The following MECOM variants were observed in gnomAD, a reference collection of about 807,000 sequenced individuals.
MECOM encodes the protein MDS1 and EVI1 complex locus.
MECOM carries 13 observed loss-of-function variants against 116.3 expected under a neutral mutation model. The ratio of observed to expected loss-of-function variants is 0.11; its 90% CI spans 0.07 to 0.18. The LOEUF is 0.18. MECOM is among the 10% of genes least tolerant of loss of function. The pLI is 1.00. For missense variants in MECOM, 1,299 were observed against 1,509.0 expected, an observed-to-expected ratio of 0.86 and a Z score of 2.31; for synonymous variants, 528 against 535.2, an observed-to-expected ratio of 0.99 and a Z score of 0.19.
At chr3:169,522,122 G>A (rs566141206) in intron 1 of MECOM, among the ~76,000 whole-genome samples, 132 of 152,268 alleles carry the variant, frequency 8.7e-4, no homozygotes, top group African/African-American at 2.9e-3. Flanking sequence ...TTTGAACCCT[G>A]TAAGTAAAAC....
intron 1 of MECOM, among the ~76,000 whole-genome samples, chr3:169,659,440 ATTTT>A (rs56270349): frequency 1.4e-3 from 85 of 62,118 alleles, no homozygotes; most frequent in South Asian, 4.7e-3. Context: ...CTAAACACAG[ATTTT>A]TTTTTTTTTT....
chr3:169,606,025 T>C (rs191695098), intron 1 of MECOM, among the ~76,000 whole-genome samples: 1 of 152,306 alleles, frequency 6.6e-6, no homozygotes, highest in East Asian at 1.9e-4. Flanking sequence ...AGGACCAGTT[T>C]AGGAGTGGAA....
intron 2 of MECOM, among the ~76,000 whole-genome samples, chr3:169,225,305 T>C (rs1752606653): frequency 6.6e-6 from 1 of 152,184 alleles, no homozygotes. Context: ...TAATGTTAGT[T>C]AAGTAGAGAT....
chr3:169,237,636 TGTG>T (rs1253174567), intron 2 of MECOM, among the ~76,000 whole-genome samples: 2 of 50,720 alleles, frequency 3.9e-5, no homozygotes, highest in African/African-American at 1.3e-4. Flanking sequence ...AAAAAAAAAA[TGTG>T]GCACTTACTG....
chr3:169,478,706 A>T (rs113760681), intron 1 of MECOM, among the ~76,000 whole-genome samples: 5 of 152,196 alleles, frequency 3.3e-5, no homozygotes, highest in African/African-American at 1.2e-4. Context: ...ATTATGGCTT[A>T]AAAAAACTAT....
intron 1 of MECOM, among the ~76,000 whole-genome samples, chr3:169,525,048 T>C (rs1332575308): frequency 2.6e-5 from 4 of 152,180 alleles, no homozygotes; most frequent in African/African-American, 9.6e-5. Flanking sequence ...CTTTCTCTAA[T>C]CTTCCTCAAA....
intron 1 of MECOM, among the ~76,000 whole-genome samples, chr3:169,438,230 G>T (rs553853202): frequency 6.6e-6 from 1 of 152,170 alleles, no homozygotes; most frequent in East Asian, 1.9e-4. Flanking sequence ...CCAATTACAG[G>T]ATAACAATAA....
At chr3:169,215,083 GT>G (rs1474095638) in intron 2 of MECOM, among the ~76,000 whole-genome samples, 6 of 150,904 alleles carry the variant, frequency 4.0e-5, no homozygotes, top group African/African-American at 1.5e-4. Context: ...AAGTAGCCAT[GT>G]TTGTTTAACT....
chr3:169,511,286 T>C (rs1755921952), intron 1 of MECOM, among the ~76,000 whole-genome samples: 1 of 152,186 alleles, frequency 6.6e-6, no homozygotes, highest in African/African-American at 2.4e-5. Flanking sequence ...TAGGTTATGA[T>C]CTTAGTGATC....
At chr3:169,377,499 A>C (rs770971279) in intron 2 of MECOM, among the ~76,000 whole-genome samples, 1 of 152,222 alleles carries the variant, frequency 6.6e-6, no homozygotes, top group African/African-American at 2.4e-5. Flanking sequence ...ACCCCATCAA[A>C]AAGTGGGCAA....
chr3:169,349,853 T>A (rs1577811827), intron 2 of MECOM, among the ~76,000 whole-genome samples: 1 of 151,794 alleles, frequency 6.6e-6, no homozygotes, highest in Admixed American at 6.6e-5. Context: ...ATCACAACAA[T>A]CCAAGTTAAA....
chr3:169,535,481 C>T (rs1334677205), intron 1 of MECOM, among the ~76,000 whole-genome samples: 1 of 152,094 alleles, frequency 6.6e-6, no homozygotes, highest in African/African-American at 2.4e-5. Context: ...GTCTAGGTGC[C>T]ACCTGGGCCT....
At chr3:169,127,087 A>G (rs1164579468) in intron 5 of MECOM, among the ~76,000 whole-genome samples, 3 of 152,100 alleles carry the variant, frequency 2.0e-5, no homozygotes, top group Non-Finnish European at 2.9e-5. Context: ...AAACAAAAAA[A>G]CCCATTAACT....
chr3:169,154,657 G>A (rs1741673882), intron 2 of MECOM, among the ~76,000 whole-genome samples: 1 of 152,140 alleles, frequency 6.6e-6, no homozygotes, highest in African/African-American at 2.4e-5. Flanking sequence ...TAACAATTCA[G>A]TATAAATTCA....
chr3:169,191,448 G>A (rs2149422511), intron 2 of MECOM, among the ~76,000 whole-genome samples: 1 of 151,956 alleles, frequency 6.6e-6, no homozygotes, highest in East Asian at 1.9e-4. Context: ...GGAAAAGGGA[G>A]AATAGATCAG....
At chr3:169,281,745 G>A (rs1577574838) in intron 2 of MECOM, among the ~76,000 whole-genome samples, 1 of 152,144 alleles carries the variant, frequency 6.6e-6, no homozygotes, top group Non-Finnish European at 1.5e-5. Flanking sequence ...CCAGGAGGTT[G>A]ATGCTACAGT....
chr3:169,243,963 A>G (rs921240961), intron 2 of MECOM, among the ~76,000 whole-genome samples: 1 of 152,236 alleles, frequency 6.6e-6, no homozygotes, highest in Non-Finnish European at 1.5e-5. Flanking sequence ...GCCTTCTTCA[A>G]TTGCAGGGCT....
chr3:169,648,556 G>C (rs577813156), intron 1 of MECOM, among the ~76,000 whole-genome samples: 1 of 152,330 alleles, frequency 6.6e-6, no homozygotes, highest in Admixed American at 6.5e-5. Context: ...ATTTTGCTTA[G>C]AATTTCAGAC....
chr3:169,351,714 C>A (rs150615454), intron 2 of MECOM, among the ~76,000 whole-genome samples: 1 of 151,832 alleles, frequency 6.6e-6, no homozygotes, highest in Non-Finnish European at 1.5e-5. Context: ...CAGAACCTGA[C>A]GCCTTGTCAG....
Sources: gnomAD v4.1 joint callset for allele counts (sites outside exome capture counted in the v4.1 genomes callset) on GRCh38, gnomAD v4.1.1 for gene constraint, MANE v1.5 for transcripts, NCBI Gene and HGNC (gene_info 2026-07-23, HGNC 2026-07-21) for gene names.